CDON: variants seen among roughly 807,000 people sequenced by gnomAD.
The protein encoded by CDON is cell adhesion molecule-related/down-regulated by oncogenes.
CDON carries 73 observed loss-of-function variants against 120.9 expected under a neutral mutation model. The observed-to-expected ratio is 0.60, with a 90% CI of 0.50 to 0.73. The LOEUF is 0.73. Among genes scored for constraint, CDON ranks in the 30% least tolerant of loss-of-function variants. The pLI is 0.00. For synonymous variants in CDON, 566 were observed against 573.5 expected (o/e 0.99, Z 0.19); for missense variants, 1,470 against 1,587.3 (o/e 0.93, Z 1.26).
At position 126,010,384 on chromosome 11, in the gene CDON, T is replaced by C. The variant is rs2134627955; in HGVS notation, c.1509A>G (p.Ala503=). ...CTGCCTGTGTGGTACCATGTTCATT[T>C]GCAGCTTCGCAGATGTATTTCCCCG... The part of the protein sequence containing the change: ...EHAGKYICEA[A]NEHGTTQAEA... The change falls in exon 8 of 20, where the codon GCA becomes GCG. Residue 503 remains alanine, a synonymous_variant. Transcript: ENST00000531738. The C allele has an allele frequency of 1.2e-6, 2 of 1,613,808 alleles. No homozygotes were observed. Among genetic ancestry groups the C allele is most frequent in the Non-Finnish European group, 1.7e-6 (2 of 1,179,912 alleles).
At chr11:125,969,130 C>G (rs1945886760) in intron 18 of CDON, among the ~76,000 whole-genome samples, 2 of 152,350 alleles carry the variant, frequency 1.3e-5, no homozygotes. Flanking sequence ...TCCCGAGTAG[C>G]TGGGATTACA....
At chr11:126,037,582 C>A (rs1430939439) in intron 1 of CDON, among the ~76,000 whole-genome samples, 1 of 152,134 alleles carries the variant, frequency 6.6e-6, no homozygotes, top group Admixed American at 6.6e-5. Context: ...ACCTTGACCT[C>A]ATTTCTTAAA....
Position 126,015,359 on chromosome 11 carries a change from A to G in CDON, c.1080T>C (p.Thr360=). 6.2e-7 allele frequency: 1 copy of G among 1,614,154 alleles called. No individual in the cohort carries two copies. Among genetic ancestry groups the G allele is most frequent in the Non-Finnish European group, 8.5e-7 (1 of 1,180,016 alleles). ...CACTGATTTTCAGTCCGTTTCCTGCAGTTAGATGTCGTGCAGAAGGATGAA... is the reference window on the plus strand; with the variant it reads ...CACTGATTTTCAGTCCGTTTCCTGCGGTTAGATGTCGTGCAGAAGGATGAA... ...QPIHPSARHL[T]AGNGLKISGV... is the part of the protein sequence containing the mutation. The change falls in exon 7 of 20, where the codon ACT becomes ACC. Residue 360 remains threonine (T), a synonymous_variant. Transcript: ENST00000531738.
chr11:126,042,506 A>G (rs542643939), intron 1 of CDON, among the ~76,000 whole-genome samples: 135 of 152,340 alleles, frequency 8.9e-4, no homozygotes, highest in African/African-American at 3.2e-3. Context: ...TATTTTTTTT[A>G]TGCATCCTAT....
At chr11:126,041,025 C>T (rs983993846) in intron 1 of CDON, among the ~76,000 whole-genome samples, 3 of 150,856 alleles carry the variant, frequency 2.0e-5, no homozygotes, top group African/African-American at 7.3e-5. Flanking sequence ...CCCGTCTCCA[C>T]TAAAAATACA....
chr11:126,050,804 C>G (rs964335406), intron 1 of CDON, among the ~76,000 whole-genome samples: 1 of 152,086 alleles, frequency 6.6e-6, no homozygotes, highest in Non-Finnish European at 1.5e-5. Context: ...AGCCTCCATT[C>G]TTATAGTCTG....
At chr11:126,027,520 G>T (rs1434243441) in intron 1 of CDON, among the ~76,000 whole-genome samples, 1 of 152,090 alleles carries the variant, frequency 6.6e-6, no homozygotes, top group Non-Finnish European at 1.5e-5. Flanking sequence ...ATATATACAT[G>T]CAAATGCATG....
chr11:125,972,278 AT>A (rs2134395013), intron 18 of CDON, among the ~76,000 whole-genome samples: 1 of 152,286 alleles, frequency 6.6e-6, no homozygotes, highest in African/African-American at 2.4e-5. Flanking sequence ...ATACAAAAAA[AT>A]TAGCCAGCCA....
Position 126,015,440 on chromosome 11 carries a change from G to A in CDON, c.999C>T (p.Cys333=), listed in dbSNP as rs201493965. Residue 333 remains cysteine, a synonymous_variant, in exon 7 of 20, where the codon TGC becomes TGT. Transcript: ENST00000531738. ...TGGGGGCTGGGTTCCCATGAACGTC[G>A]CAGGTAAAGTGTACTGTGGCACCCA... ...VSLGATVHFT[C]DVHGNPAPNC... 2.7e-5 allele frequency: 43 copies of A among 1,613,984 alleles called. No individual in the cohort carries two copies. In the East Asian group the frequency reaches 3.6e-4, roughly 13 times the overall value.
chr11:126,018,562 T>G, intron 4 of CDON, 89 bp from the exon 5 acceptor site: 1 of 1,106,448 alleles, frequency 9.0e-7, no homozygotes, highest in Admixed American at 1.7e-5. Context: ...ATCATTATGC[T>G]CTATTCCATC....
intron 18 of CDON, among the ~76,000 whole-genome samples, chr11:125,969,849 A>G (rs1945912590): frequency 6.6e-6 from 1 of 152,232 alleles, no homozygotes; most frequent in African/African-American, 2.4e-5. Context: ...TCTGAATAGC[A>G]GACTAGGAAA....
chr11:126,000,628 A>G (rs1591371716), intron 11 of CDON, among the ~76,000 whole-genome samples: 1 of 152,344 alleles, frequency 6.6e-6, no homozygotes, highest in Non-Finnish European at 1.5e-5. Flanking sequence ...TTTTTCAGAC[A>G]TTACTTTTAT....
chr11:126,028,509 C>T (rs771697991), intron 1 of CDON, among the ~76,000 whole-genome samples: 3 of 151,754 alleles, frequency 2.0e-5, no homozygotes, highest in Non-Finnish European at 2.9e-5. Context: ...ATTACAGGCA[C>T]GTGCCAACAT....
intron 1 of CDON, among the ~76,000 whole-genome samples, chr11:126,032,789 T>C (rs753774227): frequency 3.3e-4 from 50 of 152,274 alleles, no homozygotes; most frequent in Middle Eastern, 3.4e-3. Flanking sequence ...GGTGGATCAC[T>C]TGAGCACAGA....
intron 1 of CDON, 98 bp from the exon 2 acceptor site, chr11:126,023,635 C>CTG (rs1413449940): frequency 1.4e-6 from 1 of 696,048 alleles, no homozygotes; most frequent in Non-Finnish European, 2.6e-6. Flanking sequence ...TTTGAAAGCT[C>CTG]TGTGTAGAGT....
Position 126,017,214 on chromosome 11 carries a change from A to T in CDON, c.802T>A (p.Trp268Arg). ...GCAAGATGAGAATACAACCTTCTCC[A>T]GTTGCTTCCTGGTGCAATGTCCTGC... ...DGQDIAPGSN[W>R]RRLYSHLATD... The change falls in exon 6 of 20, where the codon TGG becomes AGG. Residue 268 changes from tryptophan (W) to arginine (R), a missense_variant. Transcript: ENST00000531738. 6.2e-7 allele frequency: 1 copy of T among 1,614,190 alleles called. No individual in the cohort carries two copies. The highest frequency in any genetic ancestry group is 8.5e-7 in the Non-Finnish European group (1 of 1,180,030).
chr11:126,059,821 A>G (rs1187749684), intron 1 of CDON, among the ~76,000 whole-genome samples: 2 of 152,116 alleles, frequency 1.3e-5, no homozygotes, highest in Non-Finnish European at 2.9e-5. Context: ...AAGCCACATT[A>G]ATAATATCAC....
At chr11:126,017,886 T>C (rs1222510561) in intron 5 of CDON, among the ~76,000 whole-genome samples, 1 of 152,148 alleles carries the variant, frequency 6.6e-6, no homozygotes, top group African/African-American at 2.4e-5. Context: ...AGAACTCTTC[T>C]ATAATGCATT....
At chr11:126,059,523 C>A (rs1158461445) in intron 1 of CDON, among the ~76,000 whole-genome samples, 2 of 149,334 alleles carry the variant, frequency 1.3e-5, no homozygotes, top group Non-Finnish European at 3.0e-5. Context: ...CTGCTCCACT[C>A]CCTCTGCACA....
Sources: allele counts gnomAD v4.1 joint callset (sites outside exome capture counted in the v4.1 genomes callset), GRCh38; gene constraint gnomAD v4.1.1; transcripts MANE v1.5; gene names NCBI Gene and HGNC (gene_info 2026-07-23, HGNC 2026-07-21).